ADAM12: variants seen among roughly 807,000 people sequenced by gnomAD.
ADAM12 encodes disintegrin and metalloproteinase domain-containing protein 12.
Under a neutral mutation model 106.4 loss-of-function variants are expected in ADAM12, and 70 were observed. That is an observed-to-expected ratio of 0.66 (90% CI 0.54 to 0.80). The LOEUF is 0.80. ADAM12 is among the 30% of genes least tolerant of loss of function. ADAM12 has a pLI of 0.00. For missense variants in ADAM12, 1,010 were observed against 1,171.9 expected (o/e 0.86, Z 2.02); for synonymous variants, 420 against 433.5 (o/e 0.97, Z 0.39).
intron 14 of ADAM12, among the ~76,000 whole-genome samples, chr10:126,058,670 C>T (rs1365763388): frequency 1.3e-5 from 2 of 152,168 alleles, no homozygotes; most frequent in Admixed American, 1.3e-4. Context: ...CAACTCTCTG[C>T]GCGCCCTGCC....
At chr10:126,331,164 T>A (rs1590790191) in intron 1 of ADAM12, among the ~76,000 whole-genome samples, 1 of 152,222 alleles carries the variant, frequency 6.6e-6, no homozygotes, top group Non-Finnish European at 1.5e-5. Context: ...CCCATTTCCA[T>A]AAACAATCCT....
intron 3 of ADAM12, among the ~76,000 whole-genome samples, chr10:126,232,619 T>C (rs938415755): frequency 6.6e-6 from 1 of 152,194 alleles, no homozygotes; most frequent in Non-Finnish European, 1.5e-5. Context: ...AACTGACACC[T>C]GCACTGTCCC....
At chr10:126,092,969 A>G (rs959860892) in intron 11 of ADAM12, among the ~76,000 whole-genome samples, 12 of 152,206 alleles carry the variant, frequency 7.9e-5, no homozygotes, top group Admixed American at 7.8e-4. Flanking sequence ...TGGGTCTTTT[A>G]AACCGCAGTA....
chr10:126,228,119 G>C (rs1459223535), intron 3 of ADAM12, among the ~76,000 whole-genome samples: 1 of 152,152 alleles, frequency 6.6e-6, no homozygotes, highest in Non-Finnish European at 1.5e-5. Context: ...ATCTGATGGG[G>C]AAGCCTGCAC....
intron 11 of ADAM12, among the ~76,000 whole-genome samples, chr10:126,090,472 C>A (rs146792367): frequency 6.6e-6 from 1 of 152,244 alleles, no homozygotes; most frequent in South Asian, 2.1e-4. Flanking sequence ...ATGCAGCATA[C>A]GTAGCCCTCA....
In ADAM12 at chr10:126,297,370, C is replaced by A. The variant is rs530818374; in HGVS notation, c.187-18382G>T. ...CCAGCCTGGGCAACATAGCAAAAAC[C>A]CATCTCTACAAAAAATTTTAAAAAA... On this transcript the variant is annotated intron_variant, in intron 2 of 22. Coordinates refer to ENST00000448723, the MANE Select transcript of ADAM12 (RefSeq NM_001288973.2). Among the ~76,000 whole-genome samples the A allele has an allele frequency of 1.6e-4, 25 of 152,232 alleles. No individual in the cohort carries two copies. The South Asian group carries it at 5.0e-3, about 30-fold the overall frequency.
chr10:126,323,778 G>A (rs1318079761), intron 2 of ADAM12, among the ~76,000 whole-genome samples: 1 of 152,214 alleles, frequency 6.6e-6, no homozygotes, highest in Non-Finnish European at 1.5e-5. Flanking sequence ...ATAGAAGGTA[G>A]AGGTGGCACC....
intron 1 of ADAM12, among the ~76,000 whole-genome samples, chr10:126,357,794 A>T (rs1226460819): frequency 2.6e-5 from 4 of 152,252 alleles, no homozygotes; most frequent in Admixed American, 2.6e-4. Flanking sequence ...CCCATGATTC[A>T]ATTACCTCCC....
chr10:126,378,570 A>ATG (rs988120633), intron 1 of ADAM12, among the ~76,000 whole-genome samples: 1 of 152,140 alleles, frequency 6.6e-6, no homozygotes, highest in Non-Finnish European at 1.5e-5. Context: ...GATTAGGGGT[A>ATG]TGTGTGTGTG....
At chr10:126,128,619 C>T (rs1265468169) in intron 5 of ADAM12, among the ~76,000 whole-genome samples, 1 of 144,050 alleles carries the variant, frequency 6.9e-6, no homozygotes, top group Non-Finnish European at 1.5e-5. Context: ...CAAGTGGGGG[C>T]CTGTGCATGT....
At chr10:126,312,082 A>T (rs900578617) in intron 2 of ADAM12, among the ~76,000 whole-genome samples, 6 of 148,122 alleles carry the variant, frequency 4.1e-5, no homozygotes, top group African/African-American at 1.5e-4. Context: ...TCATAACTGA[A>T]CTGTAGGACA....
intron 3 of ADAM12, among the ~76,000 whole-genome samples, chr10:126,161,052 G>A (rs1956923248): frequency 6.6e-6 from 1 of 152,116 alleles, no homozygotes. Context: ...AGCCCCCATC[G>A]CAGTCCTCCT....
Position 126,019,908 on chromosome 10 carries a change from A to G in ADAM12, c.2530-83T>C, listed in dbSNP as rs1590291731. 2.1e-6 allele frequency: 3 copies of G among 1,441,880 alleles called. No individual in the cohort carries two copies. In the South Asian group the frequency reaches 4.3e-5, roughly 21 times the overall value. The allele number at this position is 1,441,880 out of a possible 1,614,324, so 89.3% of individuals were successfully genotyped here. A position where few individuals can be genotyped will look rare whatever the true frequency, so the allele number is the denominator to read the frequency against. ...AGAAGCAGGGCCTGCCGCTTGGCAC[A>G]GGCCCTGCTTCCTGAATATCATCCT... On this transcript the variant is annotated intron_variant, in intron 21 of 22. Coordinates refer to ENST00000448723, the MANE Select transcript of ADAM12 (RefSeq NM_001288973.2).
chr10:126,309,241 T>C (rs1403930600), intron 2 of ADAM12, among the ~76,000 whole-genome samples: 1 of 152,080 alleles, frequency 6.6e-6, no homozygotes, highest in Non-Finnish European at 1.5e-5. Flanking sequence ...AGGAAGACAA[T>C]GTTTGCAGCT....
chr10:126,097,773 C>A (rs774153153), intron 10 of ADAM12, among the ~76,000 whole-genome samples: 1 of 152,182 alleles, frequency 6.6e-6, no homozygotes, highest in Non-Finnish European at 1.5e-5. Flanking sequence ...GCAAGCCTAT[C>A]AAAGCTACCT....
chr10:126,224,376 C>T (rs779901858), intron 3 of ADAM12, among the ~76,000 whole-genome samples: 4 of 152,206 alleles, frequency 2.6e-5, no homozygotes, highest in Non-Finnish European at 4.4e-5. Context: ...CCACCAGGGC[C>T]CTGTCTTGCC....
rs1954826365 is a variant in ADAM12 at position 126,064,642 on chromosome 10, A to C, written c.1609+164T>G. 4 of 752,198 alleles carry C rather than the reference A, an allele frequency of 5.3e-6. No homozygotes were observed. Among genetic ancestry groups the C allele is most frequent in the African/African-American group, 1.8e-5 (1 of 56,818 alleles). The allele number at this position is 752,198 out of a possible 1,614,324, so 46.6% of individuals were successfully genotyped here. ...TGCACCCCATGCCCAGTGCGGCCTC[A>C]GACCCTCCCTGGGAGTCAATCACTC... On this transcript the variant is annotated intron_variant, in intron 14 of 22. Transcript: ENST00000448723. This position sits in a 1 kb window ranked among gnomAD's most constrained non-coding sequence, Gnocchi z 4.4.
intron 3 of ADAM12, among the ~76,000 whole-genome samples, chr10:126,267,823 G>A (rs57333628): frequency 0.039 from 5,984 of 151,816 alleles, 174 homozygotes; most frequent in African/African-American, 0.074. Context: ...GAGGTGGGGG[G>A]CGGTGGGGGT....
At chr10:126,364,953 T>C (rs1181143133) in intron 1 of ADAM12, among the ~76,000 whole-genome samples, 2 of 152,116 alleles carry the variant, frequency 1.3e-5, no homozygotes, top group African/African-American at 4.8e-5. Context: ...TATATAAGAG[T>C]TTGAAAGGAG....
Sources: allele counts gnomAD v4.1 joint callset (sites outside exome capture counted in the v4.1 genomes callset), GRCh38; gene constraint gnomAD v4.1.1; non-coding constraint Gnocchi (gnomAD v3.1); transcripts MANE v1.5; gene names NCBI Gene and HGNC (gene_info 2026-07-23, HGNC 2026-07-21).